Variants in MRPL50 observed in about 807,000 individuals in gnomAD.
The protein encoded by MRPL50 is large ribosomal subunit protein mL50.
MRPL50 carries 10 observed loss-of-function variants against 16.2 expected under a neutral mutation model. That is an observed-to-expected ratio of 0.62 (90% CI 0.38 to 1.05). The LOEUF (loss-of-function observed/expected upper bound fraction) is 1.05. MRPL50 is among the 50% of genes least tolerant of loss of function. The probability of loss-of-function intolerance (pLI) is 0.01; values close to 1 mark genes in which losing one functional copy is unlikely to be tolerated. For synonymous variants in MRPL50, 68 were observed against 66.8 expected (o/e 1.02, Z -0.09); for missense variants, 213 against 187.1 (o/e 1.14, Z -0.81).
intron 1 of MRPL50, among the ~76,000 whole-genome samples, chr9:101,391,248 G>T (rs1830266382): frequency 6.6e-6 from 1 of 152,048 alleles, no homozygotes; most frequent in Non-Finnish European, 1.5e-5. Context: ...GACACAATGT[G>T]TTGGCTCAAG....
chr9:101,392,272 C>G (rs113453859), intron 1 of MRPL50, among the ~76,000 whole-genome samples: 1 of 150,940 alleles, frequency 6.6e-6, no homozygotes, highest in African/African-American at 2.4e-5. Context: ...CAAACCAAAT[C>G]CAAAATTAGT....
chr9:101,397,051 AGAAT>A (rs1164365981), intron 1 of MRPL50, among the ~76,000 whole-genome samples: 1 of 152,238 alleles, frequency 6.6e-6, no homozygotes, highest in Non-Finnish European at 1.5e-5. Context: ...TAAATTATGT[AGAAT>A]GAATAAGTTC....
chr9:101,387,894 T>C lies in MRPL50; in HGVS notation c.*2572A>G, dbSNP rs1490661170. 1 of 152,168 alleles carries C rather than the reference T, an allele frequency of 6.6e-6. No individual in the cohort carries two copies. Among genetic ancestry groups the C allele is most frequent in the Non-Finnish European group, 1.5e-5 (1 of 68,010 alleles). The allele number at this position is 152,168 out of a possible 1,614,324, so 9.4% of individuals were successfully genotyped here. A position where few individuals can be genotyped will look rare whatever the true frequency, so the allele number is the denominator to read the frequency against. On this transcript the variant is annotated 3_prime_UTR_variant, in exon 2 of 2. Transcript: ENST00000374865. Reference sequence around the variant, plus strand: ...AAACAAGTTAGCAAGCCTAATTTAATCTTTCAGGAAAACTAAAGGCCATTA... The same window carrying C: ...AAACAAGTTAGCAAGCCTAATTTAACCTTTCAGGAAAACTAAAGGCCATTA...
At position 101,390,811 on chromosome 9, in the gene MRPL50, C is replaced by G; in HGVS notation, c.132G>C (p.Glu44Asp). 1 of 1,610,546 alleles carries G rather than the reference C, an allele frequency of 6.2e-7. No homozygotes were observed. Among genetic ancestry groups the G allele is most frequent in the Middle Eastern group, 1.7e-4 (1 of 6,020 alleles). ...KEPVVVETVE[E>D]KKEPILVCPP... is the part of the protein sequence containing the mutation. ...GACACACTAGGATAGGTTCCTTTTT[C>G]TCTTCTACTGTCTCAACAACCACTG... The change falls in exon 2 of 2, where the codon GAG (glutamate) becomes GAC (aspartate). Residue 44 changes from glutamate (E) to aspartate (D), a missense_variant. Physicochemically the swap from Glu to Asp is conservative, Grantham distance 45. Coordinates refer to ENST00000374865, the MANE Select transcript of MRPL50 (RefSeq NM_019051.3).
rs957049143 is a variant in MRPL50, at chr9:101,398,564, G to T, written c.29C>A (p.Thr10Asn). 8.1e-6 allele frequency: 13 copies of T among 1,613,978 alleles called. No individual in the cohort carries two copies. Among genetic ancestry groups the T allele is most frequent in the Non-Finnish European group, 1.1e-5 (13 of 1,180,028 alleles). MAARSVSGI[T>N]RRVFMWTVSG... ...GACTGTCCACATGAAGACTCTTCTG[G>T]TAATGCCCGACACAGATCGCGCCGC... is the stretch of plus-strand genomic sequence containing the variant. The change falls in exon 1 of 2, where the codon ACC becomes AAC. Residue 10 changes from threonine to asparagine, a missense_variant. Physicochemically the swap from Thr to Asn is moderately conservative, Grantham distance 65. Transcript: ENST00000374865.
intron 1 of MRPL50, among the ~76,000 whole-genome samples, chr9:101,396,645 T>C (rs1033454493): frequency 6.6e-6 from 1 of 152,086 alleles, no homozygotes; most frequent in African/African-American, 2.4e-5. Context: ...ATATGTAGTA[T>C]CTAAAAAGTC....
chr9:101,391,702 C>T (rs1264226149), intron 1 of MRPL50, among the ~76,000 whole-genome samples: 1 of 151,928 alleles, frequency 6.6e-6, no homozygotes, highest in Non-Finnish European at 1.5e-5. Flanking sequence ...ATTAATAGAT[C>T]TAAAGGAAGA....
At chr9:101,396,785 T>TA (rs1379575225) in intron 1 of MRPL50, among the ~76,000 whole-genome samples, 2 of 151,432 alleles carry the variant, frequency 1.3e-5, no homozygotes, top group Non-Finnish European at 2.9e-5. Flanking sequence ...CTACTAAAAA[T>TA]AAAAAAATTA....
At chr9:101,393,909 G>A (rs200103783) in intron 1 of MRPL50, among the ~76,000 whole-genome samples, 3 of 141,808 alleles carry the variant, frequency 2.1e-5, no homozygotes, top group East Asian at 2.2e-4. Flanking sequence ...TACCAATGAC[G>A]TTCTTCACAG....
intron 1 of MRPL50, among the ~76,000 whole-genome samples, chr9:101,398,221 G>A (rs1434939179): frequency 6.6e-6 from 1 of 152,194 alleles, no homozygotes; most frequent in African/African-American, 2.4e-5. Context: ...TCTCGCACAC[G>A]AGGTTAATCC....
chr9:101,393,752 A>G (rs1461117838), intron 1 of MRPL50, among the ~76,000 whole-genome samples: 1 of 152,062 alleles, frequency 6.6e-6, no homozygotes, highest in Non-Finnish European at 1.5e-5. Flanking sequence ...GGTCTCTACA[A>G]TAAAAACTAT....
chr9:101,395,023 ACTATC>A (rs1830322227), intron 1 of MRPL50, among the ~76,000 whole-genome samples: 1 of 152,192 alleles, frequency 6.6e-6, no homozygotes, highest in African/African-American at 2.4e-5. Flanking sequence ...AAATTGGCAA[ACTATC>A]CAACAAGGGA....
intron 1 of MRPL50, among the ~76,000 whole-genome samples, chr9:101,396,232 G>GT (rs1340637737): frequency 4.6e-5 from 7 of 152,148 alleles, no homozygotes; most frequent in African/African-American, 1.7e-4. Flanking sequence ...ATAAAAAACA[G>GT]TATTAAGCTT....
At chr9:101,393,787 G>T (rs1343705149) in intron 1 of MRPL50, among the ~76,000 whole-genome samples, 1 of 151,776 alleles carries the variant, frequency 6.6e-6, no homozygotes. Context: ...AAAAATTGAA[G>T]GGGACACACA....
In MRPL50 at chr9:101,389,409, T is replaced by C. The variant is rs1411175208; in HGVS notation, c.*1057A>G. On this transcript the variant is annotated 3_prime_UTR_variant, in exon 2 of 2. Transcript: ENST00000374865. ...GGATGATATTTGTAGGGCATGTCTA[T>C]ACTGTTAACTAATTTTCTTCATGAA... is the stretch of plus-strand genomic sequence containing the variant. 2.4e-6 allele frequency: 3 copies of C among 1,233,176 alleles called. No individual in the cohort carries two copies. Among genetic ancestry groups the C allele is most frequent in the South Asian group, 2.5e-5 (2 of 79,514 alleles). 76.4% of individuals were successfully genotyped at this position (1,233,176 alleles called of 1,614,324 possible).
At chr9:101,398,134 C>T (rs1464825739) in intron 1 of MRPL50, among the ~76,000 whole-genome samples, 1 of 152,194 alleles carries the variant, frequency 6.6e-6, no homozygotes, top group Admixed American at 6.5e-5. Flanking sequence ...CTGAACCTTG[C>T]TTGTGAAGAA....
chr9:101,394,586 G>T (rs547303261), intron 1 of MRPL50, among the ~76,000 whole-genome samples: 2 of 152,288 alleles, frequency 1.3e-5, no homozygotes, highest in African/African-American at 4.8e-5. Context: ...TATCCTCACA[G>T]CTGACTCTGC....
chr9:101,391,772 A>C (rs1168331249), intron 1 of MRPL50, among the ~76,000 whole-genome samples: 1 of 152,106 alleles, frequency 6.6e-6, no homozygotes, highest in Non-Finnish European at 1.5e-5. Context: ...TAACAGACAG[A>C]TCATCCAGAC....
intron 1 of MRPL50, among the ~76,000 whole-genome samples, chr9:101,397,560 C>G (rs1396065765): frequency 2.0e-5 from 3 of 152,126 alleles, no homozygotes; most frequent in Non-Finnish European, 4.4e-5. Context: ...TTAGTAACCA[C>G]TGTATTCTTA....
Sources: allele counts gnomAD v4.1 joint callset (sites outside exome capture counted in the v4.1 genomes callset), GRCh38; gene constraint gnomAD v4.1.1; transcripts MANE v1.5; gene names NCBI Gene and HGNC (gene_info 2026-07-23, HGNC 2026-07-21).